The following KCNIP4 variants were observed in gnomAD, a reference collection of about 807,000 sequenced individuals.
KCNIP4 encodes potassium voltage-gated channel interacting protein 4.
A neutral mutation model predicts 34.0 loss-of-function variants in KCNIP4; 12 were observed. The observed-to-expected ratio is 0.35, with a 90% CI of 0.23 to 0.57. The LOEUF is 0.57. Among genes scored for constraint, KCNIP4 ranks in the 20% least tolerant of loss-of-function variants. The pLI is 0.83. For missense variants in KCNIP4, 238 were observed against 311.7 expected (o/e 0.76, Z 1.78); for synonymous variants, 124 against 102.2 (o/e 1.21, Z -1.29).
intron 1 of KCNIP4, among the ~76,000 whole-genome samples, chr4:21,438,228 G>A (rs143870780): frequency 1.3e-5 from 2 of 152,236 alleles, no homozygotes; most frequent in African/African-American, 4.8e-5. Flanking sequence ...AGGCCATTTT[G>A]GTGGTGGGGA....
At chr4:21,291,623 G>A (rs1419871015) in intron 1 of KCNIP4, among the ~76,000 whole-genome samples, 1 of 151,834 alleles carries the variant, frequency 6.6e-6, no homozygotes, top group African/African-American at 2.4e-5. Flanking sequence ...GCCGAGGCGG[G>A]TGGATCATGA....
chr4:20,914,641 C>A (rs371323988), intron 1 of KCNIP4, among the ~76,000 whole-genome samples: 12 of 152,168 alleles, frequency 7.9e-5, no homozygotes, highest in Non-Finnish European at 4.4e-5. Flanking sequence ...CTGTCTATCA[C>A]TATAGGCACT....
At chr4:21,778,721 C>A (rs558799740) in intron 1 of KCNIP4, among the ~76,000 whole-genome samples, 36 of 152,104 alleles carry the variant, frequency 2.4e-4, no homozygotes, top group Middle Eastern at 3.4e-3. Flanking sequence ...ATGTAAAAAT[C>A]GGATTCTTGG....
In KCNIP4 at chr4:21,135,677, T is replaced by C. The variant is rs147984958; in HGVS notation, c.62-252968A>G. On this transcript the variant is annotated intron_variant, in intron 1 of 8. Transcript: ENST00000382152. ...CTTATTTTTAAGAGTGTATGGGTAG[T>C]AGTTTTTGATTATTCAGAATATTTG... is the stretch of plus-strand genomic sequence containing the variant. 7.3e-3 allele frequency among the ~76,000 whole-genome samples: 1,111 copies of C among 152,294 alleles called. 9 individuals are homozygous for C. Among genetic ancestry groups the C allele is most frequent in the Non-Finnish European group, 9.8e-3 (667 of 68,024 alleles).
chr4:21,301,661 A>G (rs1056197916), intron 1 of KCNIP4, among the ~76,000 whole-genome samples: 1 of 152,172 alleles, frequency 6.6e-6, no homozygotes, highest in Non-Finnish European at 1.5e-5. Flanking sequence ...GAAGAAAACT[A>G]TGAAGATGCT....
chr4:21,061,009 T>A (rs767845254), intron 1 of KCNIP4, among the ~76,000 whole-genome samples: 1 of 152,146 alleles, frequency 6.6e-6, no homozygotes, highest in Non-Finnish European at 1.5e-5. Context: ...GATATGCACG[T>A]CTTTTAAATG....
At chr4:20,991,047 C>T (rs1336086377) in intron 1 of KCNIP4, among the ~76,000 whole-genome samples, 1 of 152,112 alleles carries the variant, frequency 6.6e-6, no homozygotes, top group African/African-American at 2.4e-5. Flanking sequence ...GATCAGAATG[C>T]TGAGATGCAA....
rs10688809 is a variant in KCNIP4, at chr4:21,786,572, C to CTTTT, written c.61+161995_61+161998dup. On this transcript the variant is annotated intron_variant, in intron 1 of 8. Coordinates refer to ENST00000382152, the MANE Select transcript of KCNIP4 (RefSeq NM_025221.6). ...TTTTAAACCAGCATAGAGAGTCACT[C>CTTTT]TTTTTTTTTTTTTGAGATGGAGTCT... Among the ~76,000 whole-genome samples, 201 of 143,100 alleles carry CTTTT rather than the reference C, an allele frequency of 1.4e-3. 3 individuals carry two copies. Among genetic ancestry groups the CTTTT allele is most frequent in the African/African-American group, 5.0e-3 (191 of 38,332 alleles). The allele number at this position is 143,100 out of a possible 152,430, so 93.9% of individuals were successfully genotyped here. A position where few individuals can be genotyped will look rare whatever the true frequency, so the allele number is the denominator to read the frequency against.
chr4:21,028,101 G>T (rs1213268157), intron 1 of KCNIP4, among the ~76,000 whole-genome samples: 1 of 151,962 alleles, frequency 6.6e-6, no homozygotes, highest in Admixed American at 6.6e-5. Context: ...AATACCACTG[G>T]GACCCTCCAT....
intron 1 of KCNIP4, among the ~76,000 whole-genome samples, chr4:21,833,588 T>G (rs953094333): frequency 5.3e-5 from 8 of 152,196 alleles, no homozygotes; most frequent in African/African-American, 1.9e-4. Context: ...AGAAGCTCTT[T>G]AGTTTAATTA....
In KCNIP4 at chr4:21,646,328, C is replaced by A. The variant is rs899345649; in HGVS notation, c.61+302243G>T. 3.3e-5 allele frequency among the ~76,000 whole-genome samples: 5 copies of A among 152,242 alleles called. No homozygotes were observed. The South Asian group carries it at 1.0e-3, about 32-fold the overall frequency. The stretch of plus-strand genomic sequence containing the variant: ...TCCAATCAAATGTCTTTCTTGCTAT[C>A]CTATTAAATGTGCTTACCTACAGAA... On this transcript the variant is annotated intron_variant, in intron 1 of 8. Transcript: ENST00000382152.
At chr4:20,756,554 A>G (rs1754474499) in intron 4 of KCNIP4, among the ~76,000 whole-genome samples, 1 of 152,082 alleles carries the variant, frequency 6.6e-6, no homozygotes, top group African/African-American at 2.4e-5. Context: ...TCACTCTTCC[A>G]GCAAAGCTTT....
At chr4:21,879,647 C>A (rs1050017127) in intron 1 of KCNIP4, among the ~76,000 whole-genome samples, 1 of 152,186 alleles carries the variant, frequency 6.6e-6, no homozygotes, top group Non-Finnish European at 1.5e-5. Flanking sequence ...CAATAACCCA[C>A]CATTAAAGAC....
At chr4:21,858,117 C>CCA (rs1173263685) in intron 1 of KCNIP4, among the ~76,000 whole-genome samples, 1 of 152,206 alleles carries the variant, frequency 6.6e-6, no homozygotes, top group Non-Finnish European at 1.5e-5. Flanking sequence ...ACAACCCTCA[C>CCA]CACTTCAGTC....
chr4:20,917,323 C>T (rs889428249), intron 1 of KCNIP4, among the ~76,000 whole-genome samples: 31 of 151,790 alleles, frequency 2.0e-4, no homozygotes, highest in South Asian at 4.2e-4. Flanking sequence ...CCACCCGCCC[C>T]GGCCATGATT....
At chr4:20,735,561 G>A (rs62410157) in intron 5 of KCNIP4, among the ~76,000 whole-genome samples, 14,951 of 125,898 alleles carry the variant, frequency 0.12, 1,041 homozygotes, top group Middle Eastern at 0.28. Flanking sequence ...ATGGAATCTC[G>A]CACTGTTGCC....
At chr4:20,942,919 G>T (rs2149622764) in intron 1 of KCNIP4, among the ~76,000 whole-genome samples, 1 of 152,212 alleles carries the variant, frequency 6.6e-6, no homozygotes. Context: ...TGATCCACCT[G>T]CCTCGGCCTC....
At chr4:21,687,522 C>G (rs961155315) in intron 1 of KCNIP4, among the ~76,000 whole-genome samples, 1 of 151,980 alleles carries the variant, frequency 6.6e-6, no homozygotes, top group Non-Finnish European at 1.5e-5. Flanking sequence ...TAATAAACAA[C>G]AAAAAACCCA....
intron 3 of KCNIP4, among the ~76,000 whole-genome samples, chr4:20,823,421 G>A (rs900784214): frequency 6.6e-6 from 1 of 152,146 alleles, no homozygotes; most frequent in Non-Finnish European, 1.5e-5. Context: ...GAGTGAATGA[G>A]TGTGTGTGTC....
Sources: allele counts gnomAD v4.1 joint callset (sites outside exome capture counted in the v4.1 genomes callset), GRCh38; gene constraint gnomAD v4.1.1; transcripts MANE v1.5; gene names NCBI Gene and HGNC (gene_info 2026-07-23, HGNC 2026-07-21).